FHIT: variants seen among roughly 807,000 people sequenced by gnomAD.
FHIT encodes fragile histidine triad diadenosine triphosphatase.
Under a neutral mutation model 17.9 loss-of-function variants are expected in FHIT, and 19 were observed. The observed-to-expected ratio is 1.06, with a 90% CI of 0.74 to 1.56. The LOEUF is 1.56. Among genes scored for constraint, FHIT ranks in the 40% most tolerant of loss-of-function variants. The pLI is 0.00. For synonymous variants in FHIT, 81 were observed against 69.7 expected (o/e 1.16, Z -0.81); for missense variants, 248 against 189.2 (o/e 1.31, Z -1.82).
chr3:61,033,987 A>G (rs2033126736), intron 3 of FHIT, among the ~76,000 whole-genome samples: 1 of 152,214 alleles, frequency 6.6e-6, no homozygotes, highest in Non-Finnish European at 1.5e-5. Context: ...TAGATGCTCA[A>G]CTAAGGTACC....
chr3:59,996,404 C>T (rs1699513213), intron 7 of FHIT, among the ~76,000 whole-genome samples: 1 of 151,984 alleles, frequency 6.6e-6, no homozygotes, highest in African/African-American at 2.4e-5. Flanking sequence ...TGGAAGATAA[C>T]AAGTCAGGGA....
rs541690961 is a variant in FHIT at position 60,070,042 on chromosome 3, C to A, written c.104-55890G>T. Among the ~76,000 whole-genome samples, 6 of 152,288 alleles carry A rather than the reference C, an allele frequency of 3.9e-5. No homozygotes were observed. In the South Asian group the frequency reaches 1.0e-3, roughly 26 times the overall value. Reference sequence around the variant, plus strand: ...CTGGTATAGGGATCCCCCCTACATGCTTTTATTGCTCCCTATTGCCTCCAT... The same window carrying A: ...CTGGTATAGGGATCCCCCCTACATGATTTTATTGCTCCCTATTGCCTCCAT... On this transcript the variant is annotated intron_variant, in intron 5 of 9. Coordinates refer to ENST00000492590, the MANE Select transcript of FHIT (RefSeq NM_002012.4).
chr3:60,222,696 T>C (rs1704017505), intron 5 of FHIT, among the ~76,000 whole-genome samples: 1 of 152,122 alleles, frequency 6.6e-6, no homozygotes, highest in African/African-American at 2.4e-5. Flanking sequence ...TAAATATAAC[T>C]TCAGTAGCAG....
chr3:59,988,994 T>G (rs372826469), intron 7 of FHIT, among the ~76,000 whole-genome samples: 3 of 152,202 alleles, frequency 2.0e-5, no homozygotes, highest in East Asian at 1.9e-4. Context: ...ATTTTTTAGA[T>G]TCTCTAGATT....
chr3:59,791,739 G>T (rs186428190), intron 8 of FHIT, among the ~76,000 whole-genome samples: 62 of 152,152 alleles, frequency 4.1e-4, no homozygotes, highest in African/African-American at 1.5e-3. Flanking sequence ...GCAATTCTAG[G>T]GCAAGGACAT....
chr3:60,536,835 C>T, intron 5 of FHIT, 25 bp downstream of exon 5: 2 of 1,570,948 alleles, frequency 1.3e-6, no homozygotes, highest in Non-Finnish European at 1.7e-6. Flanking sequence ...TATTTTCCCT[C>T]TCCAAAAAAA....
chr3:60,536,317 T>C (rs924669091), intron 5 of FHIT: 1 of 152,120 alleles, frequency 6.6e-6, no homozygotes, highest in African/African-American at 2.4e-5. Flanking sequence ...CAAGAGAAAA[T>C]GCTATTTCAG....
intron 8 of FHIT, among the ~76,000 whole-genome samples, chr3:59,821,440 G>A (rs560288675): frequency 2.0e-5 from 3 of 152,172 alleles, no homozygotes; most frequent in Non-Finnish European, 4.4e-5. Flanking sequence ...TTATCTGCAA[G>A]GAGACAGCTG....
rs78881195 is a variant in FHIT at position 60,760,207 on chromosome 3, G to C, written c.-18+61712C>G. Among the ~76,000 whole-genome samples, 1,475 of 152,312 alleles carry C rather than the reference G, an allele frequency of 9.7e-3. 23 individuals are homozygous for C. Among genetic ancestry groups the C allele is most frequent in the African/African-American group, 0.034 (1,395 of 41,544 alleles). ...AACCCAAATGATGCAGGAGAGAACA[G>C]ATAATTGCGGAAGCCAAGTGTTTTT... On this transcript the variant is annotated intron_variant, in intron 4 of 9. Transcript: ENST00000492590.
chr3:60,231,261 G>A (rs9811336), intron 5 of FHIT, among the ~76,000 whole-genome samples: 32,921 of 152,020 alleles, frequency 0.22, 3,792 homozygotes, highest in Middle Eastern at 0.33. Flanking sequence ...ACACAGAAGC[G>A]CACACATATC....
intron 4 of FHIT, among the ~76,000 whole-genome samples, chr3:60,547,605 T>C (rs2107617948): frequency 6.6e-6 from 1 of 152,358 alleles, no homozygotes; most frequent in Non-Finnish European, 1.5e-5. Flanking sequence ...AGCCTCTTGC[T>C]ACCTCTCTCT....
chr3:60,556,672 G>A (rs550081393), intron 4 of FHIT, among the ~76,000 whole-genome samples: 17 of 152,188 alleles, frequency 1.1e-4, no homozygotes, highest in Admixed American at 4.6e-4. Flanking sequence ...CTCAGAAAAC[G>A]GTTAGGCAAA....
chr3:60,799,154 T>G (rs1376706165), intron 4 of FHIT, among the ~76,000 whole-genome samples: 1 of 152,130 alleles, frequency 6.6e-6, no homozygotes, highest in Non-Finnish European at 1.5e-5. Context: ...CATTCCAGAT[T>G]AAATCCAAAG....
chr3:60,336,004 T>G (rs545588659), intron 5 of FHIT, among the ~76,000 whole-genome samples: 1 of 152,328 alleles, frequency 6.6e-6, no homozygotes, highest in South Asian at 2.1e-4. Flanking sequence ...GTGCTTTCTA[T>G]CATAATGATT....
At chr3:59,876,874 T>G (rs567599481) in intron 8 of FHIT, among the ~76,000 whole-genome samples, 1 of 152,216 alleles carries the variant, frequency 6.6e-6, no homozygotes, top group Non-Finnish European at 1.5e-5. Flanking sequence ...CCAACTGGCC[T>G]AAGCCACTGA....
chr3:60,629,102 C>A (rs1559596961), intron 4 of FHIT, among the ~76,000 whole-genome samples: 1 of 152,148 alleles, frequency 6.6e-6, no homozygotes, highest in Non-Finnish European at 1.5e-5. Flanking sequence ...AACTTTCCGC[C>A]ACTCTCACCA....
rs1575700409 is a variant in FHIT at position 59,921,888 on chromosome 3, C to T, written c.348+458G>A. On this transcript the variant is annotated intron_variant, in intron 8 of 9. Transcript: ENST00000492590. ...CTTACTCAAACCAACCTAGTTTTTG[C>T]TCATGATAATTTACAGTTTCACTTT... 8.5e-5 allele frequency among the ~76,000 whole-genome samples: 13 copies of T among 152,308 alleles called. No homozygotes were observed. The South Asian group carries it at 2.5e-3, about 29-fold the overall frequency.
chr3:61,179,265 C>T (rs1171804138), intron 2 of FHIT, among the ~76,000 whole-genome samples: 1 of 151,478 alleles, frequency 6.6e-6, no homozygotes, highest in Non-Finnish European at 1.5e-5. Flanking sequence ...ACCTCGGCCT[C>T]CCGAAGTGCT....
intron 7 of FHIT, among the ~76,000 whole-genome samples, chr3:59,981,631 A>G (rs2107434445): frequency 6.6e-6 from 1 of 152,284 alleles, no homozygotes; most frequent in African/African-American, 2.4e-5. Context: ...AGTAAAGAAC[A>G]TACCACGGTG....
Sources: allele counts gnomAD v4.1 joint callset (sites outside exome capture counted in the v4.1 genomes callset), GRCh38; gene constraint gnomAD v4.1.1; transcripts MANE v1.5; gene names NCBI Gene and HGNC (gene_info 2026-07-23, HGNC 2026-07-21).